FBXW4: variants seen among roughly 807,000 people sequenced by gnomAD.
FBXW4 encodes the protein F-box/WD repeat-containing protein 4.
In FBXW4, 40 loss-of-function variants were observed where a neutral mutation model predicts 61.8. That is an observed-to-expected ratio of 0.65 (90% CI 0.50 to 0.84). FBXW4 has a LOEUF of 0.84. Ranked by LOEUF, FBXW4 falls within the 40% of genes least tolerant of loss-of-function variation. The probability of loss-of-function intolerance (pLI) is 0.00; values close to 1 mark genes in which losing one functional copy is unlikely to be tolerated. For missense variants in FBXW4, 672 were observed against 753.8 expected, an observed-to-expected ratio of 0.89 and a Z score of 1.27; for synonymous variants, 311 against 313.8, an observed-to-expected ratio of 0.99 and a Z score of 0.10.
intron 5 of FBXW4, among the ~76,000 whole-genome samples, chr10:101,666,367 C>T (rs1410803764): frequency 2.0e-5 from 3 of 152,138 alleles, no homozygotes; most frequent in South Asian, 2.1e-4. Context: ...CCTGCTATAT[C>T]AGCCGTCAAA....
intron 5 of FBXW4, among the ~76,000 whole-genome samples, chr10:101,663,001 A>G (rs11191079): frequency 0.69 from 104,721 of 152,006 alleles, 36,265 homozygotes; most frequent in East Asian, 0.86. Context: ...TATGGGCCAC[A>G]GCTACCATCC....
chr10:101,625,508 G>C (rs540469085), intron 5 of FBXW4: 1 of 152,460 alleles, frequency 6.6e-6, no homozygotes, highest in South Asian at 2.1e-4. Flanking sequence ...CACACGAGAA[G>C]GAGCAGGCTG....
intron 5 of FBXW4, chr10:101,659,334 G>A (rs756489272): frequency 1.1e-4 from 102 of 958,046 alleles, no homozygotes; most frequent in Non-Finnish European, 1.2e-4. Flanking sequence ...GTCATGGATG[G>A]TTTGAGTGGC....
intron 6 of FBXW4, among the ~76,000 whole-genome samples, chr10:101,618,390 G>A (rs1389442754): frequency 6.6e-6 from 1 of 152,178 alleles, no homozygotes; most frequent in Non-Finnish European, 1.5e-5. Flanking sequence ...AGCGAGCAGG[G>A]TTTCATTAGG....
At chr10:101,638,162 C>T (rs886067451) in intron 5 of FBXW4, among the ~76,000 whole-genome samples, 1 of 152,166 alleles carries the variant, frequency 6.6e-6, no homozygotes, top group Non-Finnish European at 1.5e-5. Context: ...ACAGATGTTT[C>T]CCAAAGGACT....
intron 5 of FBXW4, among the ~76,000 whole-genome samples, chr10:101,657,017 T>C (rs1315203219): frequency 6.6e-6 from 1 of 152,218 alleles, no homozygotes; most frequent in African/African-American, 2.4e-5. Context: ...CAGCAGCTCC[T>C]GGACTAATAT....
intron 5 of FBXW4, among the ~76,000 whole-genome samples, chr10:101,640,037 A>T (rs1385037349): frequency 6.6e-6 from 1 of 152,252 alleles, no homozygotes; most frequent in Non-Finnish European, 1.5e-5. Flanking sequence ...TCACTGAGAG[A>T]TGAGCAAAGG....
intron 5 of FBXW4, among the ~76,000 whole-genome samples, chr10:101,630,416 C>G (rs2063942492): frequency 6.6e-6 from 1 of 152,216 alleles, no homozygotes; most frequent in South Asian, 2.1e-4. Context: ...CCCGATTTCC[C>G]TTGGCCCCCT....
chr10:101,639,435 C>T (rs2134841148), intron 5 of FBXW4, among the ~76,000 whole-genome samples: 1 of 152,334 alleles, frequency 6.6e-6, no homozygotes, highest in East Asian at 1.9e-4. Flanking sequence ...TAGCCAAGGT[C>T]TCTGAGCTCA....
At chr10:101,622,650 C>T (rs940349214) in intron 6 of FBXW4, among the ~76,000 whole-genome samples, 21 of 147,786 alleles carry the variant, frequency 1.4e-4, no homozygotes, top group Admixed American at 1.3e-3. Context: ...ATGGCGTGAA[C>T]TCAGGAGGCA....
chr10:101,650,436 C>G (rs1348033466), intron 5 of FBXW4, among the ~76,000 whole-genome samples: 2 of 152,232 alleles, frequency 1.3e-5, no homozygotes, highest in African/African-American at 2.4e-5. Context: ...TCCCTCAGAG[C>G]CCTGCAAGCA....
At chr10:101,618,310 G>A (rs1589738986) in intron 6 of FBXW4, among the ~76,000 whole-genome samples, 1 of 152,204 alleles carries the variant, frequency 6.6e-6, no homozygotes, top group Non-Finnish European at 1.5e-5. Context: ...AGTGGAAAGG[G>A]CCACCAACTC....
chr10:101,657,887 T>C (rs1286279103), intron 5 of FBXW4, among the ~76,000 whole-genome samples: 2 of 152,204 alleles, frequency 1.3e-5, no homozygotes, highest in South Asian at 2.1e-4. Flanking sequence ...TTATGATTCA[T>C]AGGGTCTCTA....
At chr10:101,614,824 C>T (rs951711409) in intron 6 of FBXW4, among the ~76,000 whole-genome samples, 1 of 152,164 alleles carries the variant, frequency 6.6e-6, no homozygotes, top group Admixed American at 6.5e-5. Context: ...CTAATAGCAA[C>T]CCAGCAGTGC....
At position 101,612,464 on chromosome 10, in the gene FBXW4, T is replaced by C; in HGVS notation, c.1315A>G (p.Thr439Ala). Reference protein sequence around the residue: ...IWDLNSGQLMTHLGSDFPPGA... With the variant: ...IWDLNSGQLMAHLGSDFPPGA... ...GGGGGAAAGTCACTGCCCAAGTGTG[T>C]CATCAGCTGCCCACTGGGAAGGGAA... The change falls in exon 7 of 9, where the codon ACA becomes GCA. Residue 439 changes from threonine (T) to alanine (A), a missense_variant. Thr to Ala is a moderately conservative substitution (Grantham distance 58). Coordinates refer to ENST00000331272, the MANE Select transcript of FBXW4 (RefSeq NM_022039.4). 6.3e-7 allele frequency: 1 copy of C among 1,577,016 alleles called. No individual in the cohort carries two copies. Among genetic ancestry groups the C allele is most frequent in the South Asian group, 1.2e-5 (1 of 83,074 alleles).
intron 5 of FBXW4, among the ~76,000 whole-genome samples, chr10:101,638,929 G>A (rs904746816): frequency 5.9e-5 from 9 of 152,144 alleles, no homozygotes; most frequent in African/African-American, 1.4e-4. Flanking sequence ...GATGCTATGC[G>A]TCATGAATTA....
chr10:101,679,149 G>A (rs1163472265), intron 1 of FBXW4, among the ~76,000 whole-genome samples: 1 of 151,884 alleles, frequency 6.6e-6, no homozygotes, highest in African/African-American at 2.4e-5. Flanking sequence ...CAATCCTCCT[G>A]CCTTGGCCCA....
Position 101,672,916 on chromosome 10 carries a change from T to C in FBXW4, c.1139A>G (p.Lys380Arg). 6.2e-7 allele frequency: 1 copy of C among 1,614,062 alleles called. No homozygotes were observed. Among genetic ancestry groups the C allele is most frequent in the Non-Finnish European group, 8.5e-7 (1 of 1,179,982 alleles). Reference sequence around the variant, plus strand: ...TATGTAAGGGGGAGACCACCTCACCTTGGCCGTCCTGTCCCTGGAGCCACT... The same window carrying C: ...TATGTAAGGGGGAGACCACCTCACCCTGGCCGTCCTGTCCCTGGAGCCACT... ...IVSGSRDRTA[K>R]VWPLASGRLG... The change falls in exon 4 of 9, where the codon AAG becomes AGG. Residue 380 changes from lysine to arginine, a missense_variant and splice_region_variant. Transcript: ENST00000331272.
At chr10:101,624,157 G>C (rs2063889357) in intron 6 of FBXW4, among the ~76,000 whole-genome samples, 1 of 151,944 alleles carries the variant, frequency 6.6e-6, no homozygotes, top group African/African-American at 2.4e-5. Context: ...GATGGTACCA[G>C]GGTCTATTTC....
Sources: gnomAD v4.1 joint callset for allele counts (sites outside exome capture counted in the v4.1 genomes callset) on GRCh38, gnomAD v4.1.1 for gene constraint, MANE v1.5 for transcripts, NCBI Gene and HGNC (gene_info 2026-07-23, HGNC 2026-07-21) for gene names.